DPYD: variants seen among roughly 807,000 people sequenced by gnomAD.
The protein encoded by DPYD is dihydropyrimidine dehydrogenase [NADP(+)].
Under a neutral mutation model 116.2 loss-of-function variants are expected in DPYD, and 109 were observed. The observed-to-expected ratio is 0.94, with a 90% CI of 0.80 to 1.10. The LOEUF (loss-of-function observed/expected upper bound fraction) is 1.10. Ranked by LOEUF, DPYD falls within the 50% of genes least tolerant of loss-of-function variation. DPYD has a pLI of 0.00. For missense variants in DPYD, 1,302 were observed against 1,254.5 expected (o/e 1.04, Z -0.57); for synonymous variants, 440 against 432.0 (o/e 1.02, Z -0.23).
At chr1:97,862,126 T>C (rs1303976538) in intron 2 of DPYD, among the ~76,000 whole-genome samples, 1 of 151,858 alleles carries the variant, frequency 6.6e-6, no homozygotes, top group African/African-American at 2.4e-5. Context: ...CTATTATTTT[T>C]TAAAGGGGAA....
intron 10 of DPYD, among the ~76,000 whole-genome samples, chr1:97,582,665 C>T (rs1653774683): frequency 6.6e-6 from 1 of 152,206 alleles, no homozygotes; most frequent in African/African-American, 2.4e-5. Context: ...CACAAATTGA[C>T]ATTCCTTCTT....
intron 20 of DPYD, among the ~76,000 whole-genome samples, chr1:97,173,357 T>TGTATATATGCAC (rs1557912110): frequency 3.0e-5 from 3 of 99,946 alleles, no homozygotes; most frequent in East Asian, 3.7e-4. Context: ...CACATATATG[T>TGTATATATGCAC]ACATATATAC....
intron 8 of DPYD, among the ~76,000 whole-genome samples, chr1:97,628,236 A>G (rs1331588402): frequency 6.6e-6 from 1 of 151,988 alleles, no homozygotes; most frequent in African/African-American, 2.4e-5. Context: ...TAGGGACCAG[A>G]TGGACTTTTT....
chr1:97,199,889 C>T (rs775830553), intron 19 of DPYD, among the ~76,000 whole-genome samples: 12 of 151,986 alleles, frequency 7.9e-5, no homozygotes, highest in East Asian at 5.8e-4. Context: ...TAGAATTTCA[C>T]GTAATCTAGA....
At chr1:97,433,139 A>C (rs1322331820) in intron 14 of DPYD, among the ~76,000 whole-genome samples, 2 of 152,112 alleles carry the variant, frequency 1.3e-5, no homozygotes, top group Non-Finnish European at 2.9e-5. Flanking sequence ...CCTAGAATGC[A>C]CTGGGGGGAT....
rs1040677414 is a variant in DPYD at position 97,677,679 on chromosome 1, C to A, written c.850+1416G>T. Among the ~76,000 whole-genome samples, 3 of 152,068 alleles carry A rather than the reference C, an allele frequency of 2.0e-5. No homozygotes were observed. In the East Asian group the frequency reaches 5.8e-4, roughly 29 times the overall value. On this transcript the variant is annotated intron_variant, in intron 8 of 22. Coordinates refer to ENST00000370192, the MANE Select transcript of DPYD (RefSeq NM_000110.4). ...GACAGATACTAATGACAATGGCACC[C>A]AAAATTTTCTGAAAGGAAGGAGGTT...
intron 15 of DPYD, among the ~76,000 whole-genome samples, chr1:97,377,643 T>C (rs1332792378): frequency 2.0e-5 from 3 of 152,236 alleles, no homozygotes; most frequent in Non-Finnish European, 4.4e-5. Context: ...CAAACTCTTG[T>C]GCAACATATA....
At chr1:97,822,519 T>C (rs575617187) in intron 3 of DPYD, among the ~76,000 whole-genome samples, 1 of 151,776 alleles carries the variant, frequency 6.6e-6, no homozygotes, top group Non-Finnish European at 1.5e-5. Flanking sequence ...TTATATTCCA[T>C]AATTTGAGTA....
At chr1:97,485,718 G>A (rs376230534) in intron 13 of DPYD, among the ~76,000 whole-genome samples, 11 of 152,020 alleles carry the variant, frequency 7.2e-5, no homozygotes, top group East Asian at 3.9e-4. Context: ...TATAATTGCC[G>A]ATCCTCTGCA....
intron 20 of DPYD, among the ~76,000 whole-genome samples, chr1:97,125,607 T>C (rs547443778): frequency 2.4e-4 from 37 of 152,152 alleles, no homozygotes; most frequent in East Asian, 3.9e-4. Context: ...AATTCATATA[T>C]TGAAACCCCA....
intron 13 of DPYD, among the ~76,000 whole-genome samples, chr1:97,469,063 C>T (rs1677484084): frequency 6.6e-6 from 1 of 152,110 alleles, no homozygotes; most frequent in African/African-American, 2.4e-5. Flanking sequence ...TAATGGCCCT[C>T]TGTAGATAGT....
intron 16 of DPYD, 148 bp downstream of exon 16, chr1:97,373,413 A>G: frequency 1.6e-6 from 1 of 643,450 alleles, no homozygotes; most frequent in Admixed American, 3.2e-5. Flanking sequence ...CCACTTTTTA[A>G]ACACTAAATA....
intron 20 of DPYD, among the ~76,000 whole-genome samples, chr1:97,149,297 G>A (rs576883072): frequency 2.0e-5 from 3 of 152,184 alleles, no homozygotes; most frequent in African/African-American, 4.8e-5. Flanking sequence ...TGTCACCCAC[G>A]CTGGAGTGCA....
At chr1:97,435,885 G>C (rs1406312967) in intron 14 of DPYD, among the ~76,000 whole-genome samples, 1 of 151,804 alleles carries the variant, frequency 6.6e-6, no homozygotes, top group Non-Finnish European at 1.5e-5. Flanking sequence ...TTATCAATAA[G>C]CCCAAAAAAG....
intron 18 of DPYD, among the ~76,000 whole-genome samples, chr1:97,289,227 G>C (rs796606531): frequency 2.0e-4 from 30 of 152,014 alleles, no homozygotes; most frequent in Middle Eastern, 3.4e-3. Flanking sequence ...TCCAGGACCA[G>C]ATGGATTCAC....
chr1:97,098,425 T>A, intron 21 of DPYD, 64 bp downstream of exon 21: 2 of 1,562,124 alleles, frequency 1.3e-6, no homozygotes, highest in Non-Finnish European at 1.8e-6. Context: ...AATAAACATT[T>A]TAACTATATT....
chr1:97,664,121 T>C (rs1023482163), intron 8 of DPYD, among the ~76,000 whole-genome samples: 1 of 152,184 alleles, frequency 6.6e-6, no homozygotes, highest in African/African-American at 2.4e-5. Flanking sequence ...TGAAGTTATA[T>C]AAGCATTAAT....
intron 16 of DPYD, among the ~76,000 whole-genome samples, chr1:97,364,993 C>A (rs545278802): frequency 6.6e-6 from 1 of 152,088 alleles, no homozygotes; most frequent in Non-Finnish European, 1.5e-5. Context: ...TTTCTCTTTG[C>A]GGTAGAAGTA....
At chr1:97,201,929 G>C (rs1659234580) in intron 19 of DPYD, among the ~76,000 whole-genome samples, 1 of 146,520 alleles carries the variant, frequency 6.8e-6, no homozygotes, top group Admixed American at 6.8e-5. Flanking sequence ...TTTTCCCAAA[G>C]TGATAAAATT....
Sources: allele counts gnomAD v4.1 joint callset (sites outside exome capture counted in the v4.1 genomes callset), GRCh38; gene constraint gnomAD v4.1.1; transcripts MANE v1.5; gene names NCBI Gene and HGNC (gene_info 2026-07-23, HGNC 2026-07-21).